Variants in NFATC3 observed in about 807,000 individuals in gnomAD.
The protein encoded by NFATC3 is nuclear factor of activated T cells 3, also known as nuclear factor of activated T-cells, cytoplasmic 3.
NFATC3 carries 46 observed loss-of-function variants against 98.6 expected under a neutral mutation model. The observed-to-expected ratio is 0.47, with a 90% CI of 0.37 to 0.60. The LOEUF is 0.60. NFATC3 is among the 20% of genes least tolerant of loss of function. The pLI is 0.00. For missense variants in NFATC3, 1,256 were observed against 1,295.5 expected, an observed-to-expected ratio of 0.97 and a Z score of 0.47; for synonymous variants, 512 against 472.2, an observed-to-expected ratio of 1.08 and a Z score of -1.09.
intron 5 of NFATC3, among the ~76,000 whole-genome samples, chr16:68,167,810 C>CTTTTTTTT: frequency 0.016 from 390 of 23,910 alleles, 153 homozygotes; most frequent in East Asian, 0.032. Flanking sequence ...CGTATGTGTT[C>CTTTTTTTT]TTTTTTTTTT....
At chr16:68,115,802 C>T (rs2036247466) in intron 1 of NFATC3, among the ~76,000 whole-genome samples, 1 of 151,952 alleles carries the variant, frequency 6.6e-6, no homozygotes, top group Non-Finnish European at 1.5e-5. Context: ...ATGATGAATG[C>T]ATTACTGTGG....
chr16:68,145,008 A>G (rs1009396660), intron 3 of NFATC3, among the ~76,000 whole-genome samples: 3 of 151,982 alleles, frequency 2.0e-5, no homozygotes, highest in African/African-American at 7.2e-5. Flanking sequence ...CAATCTCACT[A>G]TGTTGCCCAG....
intron 1 of NFATC3, among the ~76,000 whole-genome samples, chr16:68,088,335 T>TATATAAC (rs1567490215): frequency 1.4e-5 from 2 of 147,238 alleles, no homozygotes; most frequent in African/African-American, 4.9e-5. Flanking sequence ...ATATATATAA[T>TATATAAC]ATATAACATA....
chr16:68,215,589 C>A (rs1598618155), intron 9 of NFATC3, among the ~76,000 whole-genome samples: 2 of 151,998 alleles, frequency 1.3e-5, no homozygotes, highest in East Asian at 3.9e-4. Context: ...GAGGTGAGAA[C>A]ATAGAAGAAA....
rs545699689 is a variant in NFATC3, at chr16:68,114,354, C to T, written c.104-7633C>T. On this transcript the variant is annotated intron_variant, in intron 1 of 9. Transcript: ENST00000346183. ...CGTTTTTGCTCCTCTTAGTGGGAGC[C>T]GCAGACTGGAGTGGCTTCTAATCAG... is the stretch of plus-strand genomic sequence containing the variant. Among the ~76,000 whole-genome samples, 93 of 152,110 alleles carry T rather than the reference C, an allele frequency of 6.1e-4. 1 individual carries two copies. The South Asian group carries it at 0.018, about 30-fold the overall frequency.
chr16:68,101,681 C>T (rs1816946273), intron 1 of NFATC3, among the ~76,000 whole-genome samples: 1 of 151,906 alleles, frequency 6.6e-6, no homozygotes, highest in African/African-American at 2.4e-5. Flanking sequence ...GATGGGGTTT[C>T]ACCATATTAT....
intron 7 of NFATC3, 125 bp downstream of exon 7, chr16:68,181,655 G>T: frequency 1.5e-6 from 1 of 658,350 alleles, no homozygotes; most frequent in Non-Finnish European, 2.6e-6. Context: ...ATTAGGCTGG[G>T]CATGGTGGCT....
intron 8 of NFATC3, among the ~76,000 whole-genome samples, chr16:68,190,091 G>C (rs1343948465): frequency 1.3e-5 from 2 of 152,198 alleles, no homozygotes; most frequent in African/African-American, 2.4e-5. Flanking sequence ...GATGTTTATT[G>C]CTAGTTTATA....
At chr16:68,195,857 CTT>C (rs567279643) in intron 9 of NFATC3, among the ~76,000 whole-genome samples, 2 of 152,044 alleles carry the variant, frequency 1.3e-5, no homozygotes, top group African/African-American at 4.8e-5. Flanking sequence ...GAAACGCACT[CTT>C]TTTATTTTTT....
At chr16:68,134,604 T>C (rs2037291527) in intron 3 of NFATC3, among the ~76,000 whole-genome samples, 1 of 152,136 alleles carries the variant, frequency 6.6e-6, no homozygotes, top group Admixed American at 6.6e-5. Flanking sequence ...CATTGTTGAT[T>C]AGAGGTGGTG....
At chr16:68,167,892 T>G (rs111299267) in intron 5 of NFATC3, among the ~76,000 whole-genome samples, 1,792 of 138,502 alleles carry the variant, frequency 0.013, 37 homozygotes, top group African/African-American at 0.045. Context: ...GAGTGCAGTG[T>G]TGTGATCTTG....
At chr16:68,165,377 T>C (rs1312205582) in intron 4 of NFATC3, among the ~76,000 whole-genome samples, 1 of 151,248 alleles carries the variant, frequency 6.6e-6, no homozygotes, top group Non-Finnish European at 1.5e-5. Flanking sequence ...TGGTTGTCTT[T>C]TTTTTTTTCT....
chr16:68,227,573 A>G lies in NFATC3; in HGVS notation c.*1102A>G, dbSNP rs2151188816. 6.6e-6 allele frequency: 1 copy of G among 152,340 alleles called. No individual in the cohort carries two copies. The highest frequency in any genetic ancestry group is 1.9e-4 in the East Asian group (1 of 5,186). 9.4% of individuals were successfully genotyped at this position (152,340 alleles called of 1,614,324 possible). On this transcript the variant is annotated 3_prime_UTR_variant, in exon 10 of 10. Transcript: ENST00000346183. ...CACTGGCATGGAAGGCTTATCTGCC[A>G]TTCTATTTATAGCCTGAAATGATTC...
intron 5 of NFATC3, among the ~76,000 whole-genome samples, chr16:68,171,473 C>CT (rs775563343): frequency 0.013 from 1,815 of 140,962 alleles, 32 homozygotes; most frequent in African/African-American, 0.034. Context: ...CCATACCTAT[C>CT]TTTTTTTTTT....
rs572442932 is a variant in NFATC3 at position 68,190,920 on chromosome 16, A to G, written c.2251A>G (p.Ile751Val). The stretch of plus-strand genomic sequence containing the variant: ...AGGACAGAGAAGTTTGATTTGCTCC[A>G]TCCCACAAACATATGCATCCATGGT... ...LSGQRSLICS[I>V]PQTYASMVTS... The change falls in exon 9 of 10, where the codon ATC becomes GTC. Residue 751 changes from isoleucine (I) to valine (V), a missense_variant. Coordinates refer to ENST00000346183, the MANE Select transcript of NFATC3 (RefSeq NM_173165.3). The G allele has an allele frequency of 1.2e-6, 2 of 1,614,196 alleles. No homozygotes were observed. The highest frequency in any genetic ancestry group is 3.3e-5 in the Admixed American group (2 of 60,028).
intron 3 of NFATC3, among the ~76,000 whole-genome samples, chr16:68,147,147 G>A (rs1006965533): frequency 1.3e-5 from 2 of 152,144 alleles, no homozygotes; most frequent in African/African-American, 2.4e-5. Context: ...AGTATAAAAA[G>A]CAAGTGGCTT....
At chr16:68,150,730 G>T (rs2038274500) in intron 3 of NFATC3, among the ~76,000 whole-genome samples, 1 of 152,190 alleles carries the variant, frequency 6.6e-6, no homozygotes, top group African/African-American at 2.4e-5. Flanking sequence ...ATCTTGAATT[G>T]TAATCCCCAT....
chr16:68,227,142 C>G lies in NFATC3; in HGVS notation c.*671C>G, dbSNP rs190015050. 23 of 152,272 alleles carry G rather than the reference C, an allele frequency of 1.5e-4. No individual in the cohort carries two copies. The highest frequency in any genetic ancestry group is 5.2e-4 in the Admixed American group (8 of 15,292). 9.4% of individuals were successfully genotyped at this position (152,272 alleles called of 1,614,324 possible). ...TGGAATATAAAAAGACATTCCAGAGCATAGCCTTTTGGTAACTTTCTAGGT... is the reference window on the plus strand; with the variant it reads ...TGGAATATAAAAAGACATTCCAGAGGATAGCCTTTTGGTAACTTTCTAGGT... On this transcript the variant is annotated 3_prime_UTR_variant, in exon 10 of 10. Coordinates refer to ENST00000346183, the MANE Select transcript of NFATC3 (RefSeq NM_173165.3).
chr16:68,216,479 T>C (rs998950784), intron 9 of NFATC3, among the ~76,000 whole-genome samples: 1 of 152,202 alleles, frequency 6.6e-6, no homozygotes, highest in East Asian at 1.9e-4. Flanking sequence ...AAACATTTCC[T>C]AGAGGAAACA....
Sources: allele counts gnomAD v4.1 joint callset (sites outside exome capture counted in the v4.1 genomes callset), GRCh38; gene constraint gnomAD v4.1.1; transcripts MANE v1.5; gene names NCBI Gene and HGNC (gene_info 2026-07-23, HGNC 2026-07-21).